DGKI: variants seen among roughly 807,000 people sequenced by gnomAD.
DGKI encodes DAG kinase iota.
Under a neutral mutation model 147.5 loss-of-function variants are expected in DGKI, and 55 were observed. The ratio of observed to expected loss-of-function variants is 0.37; its 90% CI spans 0.30 to 0.47. The LOEUF (loss-of-function observed/expected upper bound fraction) is 0.47. DGKI is among the 20% of genes least tolerant of loss of function. DGKI has a pLI of 1.00. For missense variants in DGKI, 1,007 were observed against 1,323.8 expected (o/e 0.76, Z 3.71); for synonymous variants, 469 against 477.1 (o/e 0.98, Z 0.22).
At chr7:137,609,650 A>G in intron 8 of DGKI, 41 bp from the exon 9 acceptor site, 1 of 1,473,210 alleles carries the variant, frequency 6.8e-7, no homozygotes, top group Admixed American at 1.7e-5. Flanking sequence ...AGAGGCAGCC[A>G]GCCCAGGAGC....
intron 20 of DGKI, among the ~76,000 whole-genome samples, chr7:137,526,150 A>C (rs1817137173): frequency 6.6e-6 from 1 of 152,110 alleles, no homozygotes; most frequent in Admixed American, 6.6e-5. Flanking sequence ...GGGGAATAGC[A>C]CTGCCATTAG....
chr7:137,672,209 G>A (rs985519089), intron 3 of DGKI, among the ~76,000 whole-genome samples: 3 of 152,134 alleles, frequency 2.0e-5, no homozygotes, highest in African/African-American at 4.8e-5. Context: ...ATGTAACTGC[G>A]GTATCTGCAT....
At chr7:137,569,371 C>T (rs987332740) in intron 19 of DGKI, among the ~76,000 whole-genome samples, 1 of 151,990 alleles carries the variant, frequency 6.6e-6, no homozygotes, top group African/African-American at 2.4e-5. Flanking sequence ...GAATAAGTAA[C>T]CCACGTATGG....
At chr7:137,802,701 G>C (rs1207605201) in intron 1 of DGKI, among the ~76,000 whole-genome samples, 1 of 152,148 alleles carries the variant, frequency 6.6e-6, no homozygotes, top group Non-Finnish European at 1.5e-5. Context: ...TCTTATTAGT[G>C]CCAAATTATA....
rs1798735814 is a variant in DGKI at position 137,846,463 on chromosome 7, T to G, written c.400A>C (p.Arg134=). The G allele has an allele frequency of 6.3e-7, 1 of 1,587,728 alleles. No individual in the cohort carries two copies. Among genetic ancestry groups the G allele is most frequent in the African/African-American group, 1.4e-5 (1 of 73,484 alleles). Residue 134 remains arginine, a splice_region_variant and synonymous_variant, in exon 1 of 33, where the codon AGG becomes CGG. Coordinates refer to ENST00000614521, the MANE Select transcript of DGKI (RefSeq NM_001321708.2). The surrounding 1 kb of genome is among the most constrained non-coding windows in gnomAD (Gnocchi z 4.0). The part of the protein sequence containing the change: ...NLTFRKQVSY[R]KAISRAGLQH... Reference sequence around the variant, plus strand: ...CGGCTGCCGGCTCCCCGCACCTACCTGTACGAGACCTGCTTCCGGAAAGTT... The same window carrying G: ...CGGCTGCCGGCTCCCCGCACCTACCGGTACGAGACCTGCTTCCGGAAAGTT...
chr7:137,402,691 T>C (rs1004439960), intron 30 of DGKI, among the ~76,000 whole-genome samples: 1 of 152,134 alleles, frequency 6.6e-6, no homozygotes, highest in African/African-American at 2.4e-5. Flanking sequence ...TCATTTCCCA[T>C]TAGTCTCCCT....
intron 29 of DGKI, among the ~76,000 whole-genome samples, chr7:137,410,881 G>A (rs1163769863): frequency 1.3e-5 from 2 of 152,286 alleles, no homozygotes; most frequent in South Asian, 2.1e-4. Flanking sequence ...TATACTGCTT[G>A]GAGAGCACTC....
intron 3 of DGKI, among the ~76,000 whole-genome samples, chr7:137,668,128 C>T (rs1362045943): frequency 1.3e-5 from 2 of 152,148 alleles, no homozygotes; most frequent in Non-Finnish European, 2.9e-5. Context: ...CTAGTGGTAA[C>T]CTGGGGGACC....
intron 18 of DGKI, among the ~76,000 whole-genome samples, chr7:137,572,107 G>A (rs1024613628): frequency 6.6e-6 from 1 of 152,146 alleles, no homozygotes; most frequent in African/African-American, 2.4e-5. Flanking sequence ...TAAATACAAT[G>A]TATTTGCAGA....
intron 2 of DGKI, among the ~76,000 whole-genome samples, chr7:137,683,100 A>G (rs1823296173): frequency 6.6e-6 from 1 of 151,892 alleles, no homozygotes; most frequent in South Asian, 2.1e-4. Flanking sequence ...ATTACTTACT[A>G]TACGCTGGAC....
intron 1 of DGKI, chr7:137,722,779 C>G: frequency 7.1e-7 from 1 of 1,399,830 alleles, no homozygotes; most frequent in Non-Finnish European, 1.0e-6. Context: ...CAAAGCTATT[C>G]CTCAGCTCCA....
chr7:137,647,150 G>T (rs1444552560), intron 5 of DGKI, among the ~76,000 whole-genome samples: 1 of 152,076 alleles, frequency 6.6e-6, no homozygotes, highest in African/African-American at 2.4e-5. Context: ...TGAGCCATGC[G>T]CTTTAAAAAA....
At chr7:137,553,076 G>A (rs964085716) in intron 19 of DGKI, among the ~76,000 whole-genome samples, 1 of 152,108 alleles carries the variant, frequency 6.6e-6, no homozygotes, top group African/African-American at 2.4e-5. Flanking sequence ...CAATTTTGAC[G>A]AGCTTTACCA....
intron 1 of DGKI, among the ~76,000 whole-genome samples, chr7:137,708,048 CTT>C (rs1794095399): frequency 6.6e-6 from 1 of 152,334 alleles, no homozygotes; most frequent in South Asian, 2.1e-4. Context: ...GTCTTCCAAA[CTT>C]TCTGCGAACC....
At chr7:137,662,464 C>T (rs10267187) in intron 3 of DGKI, among the ~76,000 whole-genome samples, 3,589 of 152,080 alleles carry the variant, frequency 0.024, 150 homozygotes, top group African/African-American at 0.081. Context: ...GGGATGGTCT[C>T]GATCTCCTGA....
chr7:137,582,100 C>G (rs1704954884), intron 14 of DGKI, among the ~76,000 whole-genome samples, 172 bp from the exon 15 acceptor site: 1 of 152,090 alleles, frequency 6.6e-6, no homozygotes. Flanking sequence ...TGGATTAATT[C>G]ATGAGTGAAA....
At chr7:137,560,708 T>C (rs531206419) in intron 19 of DGKI, among the ~76,000 whole-genome samples, 6 of 152,212 alleles carry the variant, frequency 3.9e-5, no homozygotes, top group Non-Finnish European at 8.8e-5. Flanking sequence ...AGAATGAAAG[T>C]CAGAGAGGAC....
chr7:137,829,349 C>T (rs142173584), intron 1 of DGKI, among the ~76,000 whole-genome samples: 1 of 152,342 alleles, frequency 6.6e-6, no homozygotes, highest in East Asian at 1.9e-4. Context: ...GAAAGTACAA[C>T]TTCTTAACTT....
intron 12 of DGKI, among the ~76,000 whole-genome samples, chr7:137,587,721 G>T (rs1043485846): frequency 2.6e-5 from 4 of 152,090 alleles, no homozygotes; most frequent in African/African-American, 9.7e-5. Context: ...ATGGTACATG[G>T]CCCATATAAG....
Sources: allele counts gnomAD v4.1 joint callset (sites outside exome capture counted in the v4.1 genomes callset), GRCh38; gene constraint gnomAD v4.1.1; non-coding constraint Gnocchi (gnomAD v3.1); transcripts MANE v1.5; gene names NCBI Gene and HGNC (gene_info 2026-07-23, HGNC 2026-07-21).